The following MAPK10 variants were observed in gnomAD, a reference collection of about 807,000 sequenced individuals.
MAPK10 encodes JNK3 alpha protein kinase.
Under a neutral mutation model 59.3 loss-of-function variants are expected in MAPK10, and 25 were observed. The ratio of observed to expected loss-of-function variants is 0.42; its 90% CI spans 0.31 to 0.59. The LOEUF is 0.59. Among genes scored for constraint, MAPK10 ranks in the 20% least tolerant of loss-of-function variants. The pLI, the probability that MAPK10 is intolerant of heterozygous loss-of-function variation, is 0.15. For missense variants in MAPK10, 351 were observed against 568.9 expected, an observed-to-expected ratio of 0.62 and a Z score of 3.90; for synonymous variants, 190 against 200.5, an observed-to-expected ratio of 0.95 and a Z score of 0.44.
At chr4:86,340,890 C>T (rs1175827664) in intron 2 of MAPK10, among the ~76,000 whole-genome samples, 1 of 152,194 alleles carries the variant, frequency 6.6e-6, no homozygotes, top group African/African-American at 2.4e-5. Context: ...CAATCATTTT[C>T]CACCTCTACT....
At chr4:86,323,712 T>A (rs912700261) in intron 2 of MAPK10, among the ~76,000 whole-genome samples, 6 of 152,214 alleles carry the variant, frequency 3.9e-5, no homozygotes, top group Non-Finnish European at 8.8e-5. Context: ...AATAGCATTA[T>A]CAAAAATTAT....
At chr4:86,222,319 TTTATCCAAATGCCAGGAGTTTTGC>T (rs1457582857) in intron 2 of MAPK10, among the ~76,000 whole-genome samples, 1 of 152,220 alleles carries the variant, frequency 6.6e-6, no homozygotes, top group Non-Finnish European at 1.5e-5. Context: ...AAGGCACTCA[TTTATCCAAATGCCAGGAGTTTTGC>T]TTACTGACAG....
chr4:86,310,091 C>T (rs2095640772), intron 2 of MAPK10, among the ~76,000 whole-genome samples: 1 of 152,200 alleles, frequency 6.6e-6, no homozygotes, highest in South Asian at 2.1e-4. Flanking sequence ...CCACTTATTT[C>T]TCACCTATCT....
intron 11 of MAPK10, among the ~76,000 whole-genome samples, chr4:86,059,074 A>G (rs1053614995): frequency 2.0e-5 from 3 of 152,232 alleles, no homozygotes; most frequent in African/African-American, 7.2e-5. Flanking sequence ...TTTAGGCATA[A>G]TAGGCATACA....
intron 1 of MAPK10, among the ~76,000 whole-genome samples, chr4:86,547,813 C>T (rs551175271): frequency 2.6e-5 from 4 of 152,338 alleles, no homozygotes; most frequent in African/African-American, 9.6e-5. Flanking sequence ...CACCAATCAG[C>T]ACCCTGTGTC....
intron 13 of MAPK10, among the ~76,000 whole-genome samples, chr4:86,021,641 G>A (rs1362600042): frequency 2.0e-5 from 3 of 152,230 alleles, no homozygotes; most frequent in South Asian, 2.1e-4. Context: ...CTGGGACTGG[G>A]CGCCATGGAG....
intron 1 of MAPK10, among the ~76,000 whole-genome samples, chr4:86,521,729 T>C (rs1757125646): frequency 6.6e-6 from 1 of 152,120 alleles, no homozygotes; most frequent in Non-Finnish European, 1.5e-5. Flanking sequence ...TCCTCCCCAC[T>C]GAGAAAGCAC....
chr4:86,424,347 G>A (rs561457193), intron 1 of MAPK10, among the ~76,000 whole-genome samples: 3 of 152,140 alleles, frequency 2.0e-5, no homozygotes, highest in Admixed American at 6.6e-5. Context: ...CTGCCACCAC[G>A]CTCAGATAAT....
intron 1 of MAPK10, among the ~76,000 whole-genome samples, chr4:86,473,879 G>T (rs1752855865): frequency 6.6e-6 from 1 of 152,170 alleles, no homozygotes; most frequent in African/African-American, 2.4e-5. Context: ...GCTGGACGCT[G>T]TGGTTCATGC....
At chr4:86,333,422 A>G (rs1208603096) in intron 2 of MAPK10, among the ~76,000 whole-genome samples, 1 of 152,044 alleles carries the variant, frequency 6.6e-6, no homozygotes, top group Non-Finnish European at 1.5e-5. Context: ...TCTGGACAGC[A>G]TCATCTACAC....
intron 1 of MAPK10, among the ~76,000 whole-genome samples, chr4:86,560,406 T>G (rs1760586797): frequency 6.6e-6 from 1 of 152,220 alleles, no homozygotes; most frequent in Non-Finnish European, 1.5e-5. Context: ...GAAGACAGTT[T>G]TCAAATAAGA....
rs554821158 is a variant in MAPK10 at position 86,241,441 on chromosome 4, C to T, written c.-6-47034G>A. Among the ~76,000 whole-genome samples, 4 of 152,214 alleles carry T rather than the reference C, an allele frequency of 2.6e-5. No homozygotes were observed. The South Asian group carries it at 8.3e-4, about 32-fold the overall frequency. The stretch of plus-strand genomic sequence containing the variant: ...GTGTGTTTTCCAGCTTGTTTCCATT[C>T]TCCCCGTCTCCTTCTTGTACTCCAA... On this transcript the variant is annotated intron_variant, in intron 2 of 13. Transcript: ENST00000641462.
At chr4:86,391,737 AG>A (rs201372214) in intron 1 of MAPK10, among the ~76,000 whole-genome samples, 1,527 of 152,280 alleles carry the variant, frequency 0.01, 6 homozygotes, top group Non-Finnish European at 0.015. Context: ...TAGCATGAGG[AG>A]GGGAGGTTGG....
chr4:86,168,974 C>A (rs28870188), intron 3 of MAPK10, among the ~76,000 whole-genome samples: 6,354 of 152,214 alleles, frequency 0.042, 182 homozygotes, highest in East Asian at 0.076. Context: ...GGACCTCTAG[C>A]AAACTCCAAC....
chr4:86,465,474 A>G (rs1752120528), intron 1 of MAPK10, among the ~76,000 whole-genome samples: 1 of 152,274 alleles, frequency 6.6e-6, no homozygotes, highest in Non-Finnish European at 1.5e-5. Context: ...TGACTATGGG[A>G]CATCCCAAAT....
chr4:86,061,204 A>G (rs550638318), intron 11 of MAPK10, among the ~76,000 whole-genome samples: 11 of 152,322 alleles, frequency 7.2e-5, no homozygotes, highest in South Asian at 4.1e-4. Context: ...AACCTAACTC[A>G]TCTTTCATAC....
At chr4:86,580,129 A>G (rs1305556822) in intron 1 of MAPK10, among the ~76,000 whole-genome samples, 1 of 152,142 alleles carries the variant, frequency 6.6e-6, no homozygotes, top group East Asian at 1.9e-4. Flanking sequence ...TTACTAGTTA[A>G]GCCAACTTAA....
chr4:86,560,390 G>T (rs1760585064), intron 1 of MAPK10, among the ~76,000 whole-genome samples: 1 of 152,150 alleles, frequency 6.6e-6, no homozygotes, highest in Non-Finnish European at 1.5e-5. Context: ...TGCTGTATTT[G>T]CCTTAGAAGA....
At chr4:86,500,932 T>C (rs990723881) in intron 1 of MAPK10, among the ~76,000 whole-genome samples, 2 of 152,008 alleles carry the variant, frequency 1.3e-5, no homozygotes, top group African/African-American at 4.8e-5. Flanking sequence ...CTGAAGCTCC[T>C]TAATAGGACA....
Sources: gnomAD v4.1 joint callset for allele counts (sites outside exome capture counted in the v4.1 genomes callset) on GRCh38, gnomAD v4.1.1 for gene constraint, MANE v1.5 for transcripts, NCBI Gene and HGNC (gene_info 2026-07-23, HGNC 2026-07-21) for gene names.